The following DIP2C variants were observed in gnomAD, a reference collection of about 807,000 sequenced individuals.
DIP2C encodes the protein DIP2 acetate--CoA ligase C (putative), also known as disco-interacting protein 2 homolog C.
Under a neutral mutation model 192.4 loss-of-function variants are expected in DIP2C, and 33 were observed. That is an observed-to-expected ratio of 0.17 (90% CI 0.13 to 0.23). DIP2C has a LOEUF of 0.23. DIP2C is among the 10% of genes least tolerant of loss of function. The probability of loss-of-function intolerance (pLI) is 1.00; values close to 1 mark genes in which losing one functional copy is unlikely to be tolerated. For missense variants in DIP2C, 1,537 were observed against 2,110.1 expected, an observed-to-expected ratio of 0.73 and a Z score of 5.32; for synonymous variants, 979 against 864.1, an observed-to-expected ratio of 1.13 and a Z score of -2.33.
chr10:510,287 A>T (rs1158862948), intron 1 of DIP2C, among the ~76,000 whole-genome samples: 1 of 152,078 alleles, frequency 6.6e-6, no homozygotes, highest in Admixed American at 6.5e-5. Flanking sequence ...ATAAAACCAG[A>T]CTTCAACACA....
chr10:325,322 A>G (rs565014612), intron 31 of DIP2C, among the ~76,000 whole-genome samples: 1 of 152,210 alleles, frequency 6.6e-6, no homozygotes, highest in Non-Finnish European at 1.5e-5. Context: ...AATAAATGAA[A>G]AAGTAAAGAG....
chr10:546,415 C>T (rs1848290729), intron 1 of DIP2C, among the ~76,000 whole-genome samples: 1 of 152,104 alleles, frequency 6.6e-6, no homozygotes, highest in South Asian at 2.1e-4. Flanking sequence ...GCTGTGAGAA[C>T]ACCTAACGCC....
At chr10:584,913 C>A (rs1451750691) in intron 1 of DIP2C, among the ~76,000 whole-genome samples, 11 of 132,024 alleles carry the variant, frequency 8.3e-5, no homozygotes, top group Non-Finnish European at 1.8e-4. Context: ...TCAGGGCCCG[C>A]GACCTGACCC....
intron 1 of DIP2C, among the ~76,000 whole-genome samples, chr10:534,664 GATTATT>G (rs201808206): frequency 7.3e-6 from 1 of 136,872 alleles, no homozygotes; most frequent in Non-Finnish European, 1.6e-5. Context: ...TCTGCTGGAT[GATTATT>G]ATTTTTTTTT....
At chr10:669,732 C>T (rs1387713131) in intron 1 of DIP2C, among the ~76,000 whole-genome samples, 1 of 152,126 alleles carries the variant, frequency 6.6e-6, no homozygotes, top group Non-Finnish European at 1.5e-5. Flanking sequence ...TTCAGAGCTT[C>T]CAGAACAGCA....
rs149103191 is a variant in DIP2C at position 599,425 on chromosome 10, C to G, written c.85+90069G>C. 6.7e-4 allele frequency among the ~76,000 whole-genome samples: 102 copies of G among 152,316 alleles called. 2 individuals are homozygous for G. The East Asian group carries it at 0.015, about 22-fold the overall frequency. On this transcript the variant is annotated intron_variant, in intron 1 of 36. Coordinates refer to ENST00000280886, the MANE Select transcript of DIP2C (RefSeq NM_014974.3). ...CAATTCAGAGTTGCAGATTAAACAT[C>G]AAGATACAACTGAACCCTTACTAGA... is the stretch of plus-strand genomic sequence containing the variant.
intron 1 of DIP2C, among the ~76,000 whole-genome samples, chr10:487,089 G>A (rs972227562): frequency 1.3e-5 from 2 of 152,216 alleles, no homozygotes; most frequent in Non-Finnish European, 2.9e-5. Context: ...TGCTTGTGGT[G>A]AGGCAAGAAT....
chr10:387,556 A>AGGGCGG, intron 14 of DIP2C, among the ~76,000 whole-genome samples, 189 bp downstream of exon 14: 1 of 26,580 alleles, frequency 3.8e-5, no homozygotes, highest in Non-Finnish European at 7.1e-5. Flanking sequence ...GTGGACAGGC[A>AGGGCGG]GGGCGGGGTG....
At chr10:639,439 CAGGTTGGG>C in intron 1 of DIP2C, among the ~76,000 whole-genome samples, 1 of 148,732 alleles carries the variant, frequency 6.7e-6, no homozygotes, top group Non-Finnish European at 1.5e-5. Context: ...GGGGACGCGT[CAGGTTGGG>C]AGGGTGCTGC....
chr10:345,554 ACCCC>A (rs1194269891), intron 26 of DIP2C, among the ~76,000 whole-genome samples: 1 of 135,396 alleles, frequency 7.4e-6, no homozygotes, highest in Non-Finnish European at 1.6e-5. Context: ...TCTCCCGGAA[ACCCC>A]CCACACCCCC....
At chr10:286,626 TAA>T (rs1477074072) in intron 33 of DIP2C, among the ~76,000 whole-genome samples, 1 of 152,106 alleles carries the variant, frequency 6.6e-6, no homozygotes, top group East Asian at 1.9e-4. Flanking sequence ...TCAATAAAGC[TAA>T]GAGAAATCTA....
At chr10:639,437 G>A (rs940598848) in intron 1 of DIP2C, among the ~76,000 whole-genome samples, 2 of 149,044 alleles carry the variant, frequency 1.3e-5, no homozygotes, top group South Asian at 2.1e-4. Context: ...ATGGGGACGC[G>A]TCAGGTTGGG....
intron 4 of DIP2C, among the ~76,000 whole-genome samples, chr10:425,988 T>C (rs1340078955): frequency 1.3e-5 from 2 of 152,228 alleles, no homozygotes; most frequent in African/African-American, 4.8e-5. Context: ...CACTTTTATT[T>C]GACATTATCT....
chr10:626,947 C>T (rs74115086), intron 1 of DIP2C, among the ~76,000 whole-genome samples: 23,793 of 152,282 alleles, frequency 0.16, 3,429 homozygotes, highest in African/African-American at 0.38. Context: ...CCAGCTACCA[C>T]GCTCCTAGGA....
chr10:536,900 C>A (rs374290263), intron 1 of DIP2C, among the ~76,000 whole-genome samples: 16 of 152,314 alleles, frequency 1.1e-4, no homozygotes, highest in East Asian at 1.9e-4. Context: ...AGTTAACACA[C>A]GCCAGTTCTT....
chr10:512,056 G>A (rs1054973574), intron 1 of DIP2C, among the ~76,000 whole-genome samples: 17 of 152,180 alleles, frequency 1.1e-4, no homozygotes, highest in African/African-American at 2.9e-4. Context: ...ACAGACGGCC[G>A]TTCCCAGTGC....
intron 3 of DIP2C, among the ~76,000 whole-genome samples, chr10:468,265 G>A (rs1021652422): frequency 6.6e-6 from 1 of 152,260 alleles, no homozygotes. Flanking sequence ...CTAGATTCCT[G>A]TAACAGCAAG....
chr10:685,700 G>A lies in DIP2C; in HGVS notation c.85+3794C>T, dbSNP rs191793562. On this transcript the variant is annotated intron_variant, in intron 1 of 36. Coordinates refer to ENST00000280886, the MANE Select transcript of DIP2C (RefSeq NM_014974.3). ...CATGAGTCTGGGCACAGTGGCTCAT[G>A]CCTGTAATCCCAGCACTTTGGGAGG... Among the ~76,000 whole-genome samples, 344 of 152,230 alleles carry A rather than the reference G, an allele frequency of 2.3e-3. 1 individual carries two copies. The highest frequency in any genetic ancestry group is 7.5e-3 in the African/African-American group (313 of 41,530).
intron 1 of DIP2C, among the ~76,000 whole-genome samples, chr10:609,774 G>A (rs905426139): frequency 6.6e-6 from 1 of 152,074 alleles, no homozygotes; most frequent in African/African-American, 2.4e-5. Flanking sequence ...AAGTTAAAAA[G>A]AACCTAACTG....
Sources: gnomAD v4.1 joint callset for allele counts (sites outside exome capture counted in the v4.1 genomes callset) on GRCh38, gnomAD v4.1.1 for gene constraint, MANE v1.5 for transcripts, NCBI Gene and HGNC (gene_info 2026-07-23, HGNC 2026-07-21) for gene names.